MSH3: variants seen among roughly 807,000 people sequenced by gnomAD.
The protein encoded by MSH3 is mutS homolog 3, also known as DNA mismatch repair protein Msh3.
In MSH3, 106 loss-of-function variants were observed where a neutral mutation model predicts 123.3. The observed-to-expected ratio is 0.86, with a 90% CI of 0.73 to 1.01. MSH3 has a LOEUF of 1.01. Ranked by LOEUF, MSH3 falls within the 50% of genes least tolerant of loss-of-function variation. The pLI is 0.00. For missense variants in MSH3, 1,459 were observed against 1,347.6 expected (o/e 1.08, Z -1.29); for synonymous variants, 515 against 481.4 (o/e 1.07, Z -0.91).
intron 20 of MSH3, among the ~76,000 whole-genome samples, chr5:80,831,104 G>A (rs1446464939): frequency 1.3e-5 from 2 of 152,196 alleles, no homozygotes; most frequent in Non-Finnish European, 2.9e-5. Context: ...ACTCCAGTAA[G>A]CTCGTTATAA....
At chr5:80,831,875 G>A (rs953057343) in intron 20 of MSH3, among the ~76,000 whole-genome samples, 1 of 152,088 alleles carries the variant, frequency 6.6e-6, no homozygotes, top group Admixed American at 6.6e-5. Flanking sequence ...TTGGGAGGCC[G>A]AGGCGGGTGG....
intron 3 of MSH3, among the ~76,000 whole-genome samples, chr5:80,665,608 G>A (rs753715694): frequency 6.6e-6 from 1 of 152,156 alleles, no homozygotes; most frequent in Non-Finnish European, 1.5e-5. Flanking sequence ...TAATTCTGAG[G>A]TATTGCCTGG....
intron 10 of MSH3, among the ~76,000 whole-genome samples, chr5:80,739,222 A>G (rs974013610): frequency 6.6e-6 from 1 of 152,218 alleles, no homozygotes; most frequent in Non-Finnish European, 1.5e-5. Context: ...ATCTAAACAC[A>G]TAGGTAACTG....
chr5:80,673,821 A>C (rs1488280790), intron 6 of MSH3, among the ~76,000 whole-genome samples: 1 of 152,184 alleles, frequency 6.6e-6, no homozygotes, highest in Non-Finnish European at 1.5e-5. Flanking sequence ...TCAGTTTCAA[A>C]AGCCAAATAA....
At chr5:80,742,285 C>T (rs1410676053) in intron 11 of MSH3, among the ~76,000 whole-genome samples, 2 of 152,234 alleles carry the variant, frequency 1.3e-5, no homozygotes, top group African/African-American at 4.8e-5. Flanking sequence ...CCTAGGATTA[C>T]AGGCGTAAGC....
intron 8 of MSH3, among the ~76,000 whole-genome samples, chr5:80,697,237 A>G (rs539601537): frequency 9.9e-4 from 151 of 152,296 alleles, no homozygotes; most frequent in Non-Finnish European, 1.5e-3. Flanking sequence ...CCCAGAGGTC[A>G]GAAATCGTGC....
chr5:80,854,126 G>A lies in MSH3; in HGVS notation c.2814-4G>A, dbSNP rs1745875871. On this transcript the variant is annotated splice_region_variant and splice_polypyrimidine_tract_variant and intron_variant, in intron 20 of 23. Coordinates refer to ENST00000265081, the MANE Select transcript of MSH3 (RefSeq NM_002439.5). Reference sequence around the variant, plus strand: ...AAATCAAGGTGTTTTCATCTTGCTTGTAGGATGGGTGCTGCAGACAATATA... The same window carrying A: ...AAATCAAGGTGTTTTCATCTTGCTTATAGGATGGGTGCTGCAGACAATATA... 6.2e-7 allele frequency: 1 copy of A among 1,612,496 alleles called. No homozygotes were observed. The highest frequency in any genetic ancestry group is 8.5e-7 in the Non-Finnish European group (1 of 1,178,878).
chr5:80,845,230 C>T (rs1745699897), intron 20 of MSH3, among the ~76,000 whole-genome samples: 1 of 152,154 alleles, frequency 6.6e-6, no homozygotes, highest in African/African-American at 2.4e-5. Flanking sequence ...ATATTGGCCC[C>T]CACTCTCTTC....
chr5:80,731,052 G>GCCAC (rs1054773356), intron 10 of MSH3, among the ~76,000 whole-genome samples: 5 of 151,284 alleles, frequency 3.3e-5, no homozygotes, highest in Non-Finnish European at 5.9e-5. Context: ...ACAGGTGCAC[G>GCCAC]CCACCGCGCC....
In MSH3 at chr5:80,656,537, T is replaced by C. The variant is rs1490135598; in HGVS notation, c.358+6T>C. 6.2e-7 allele frequency: 1 copy of C among 1,613,604 alleles called. No individual in the cohort carries two copies. The highest frequency in any genetic ancestry group is 1.3e-5 in the African/African-American group (1 of 74,800). ...GGGAATGTCTGGCAACTCTGGTGAG[T>C]TGTGGGGGATTCTTTTTTCTCCTCA... On this transcript the variant is annotated splice_donor_region_variant and intron_variant, in intron 2 of 23. Coordinates refer to ENST00000265081, the MANE Select transcript of MSH3 (RefSeq NM_002439.5).
chr5:80,787,941 A>C (rs1214350107), intron 18 of MSH3, among the ~76,000 whole-genome samples: 1 of 152,156 alleles, frequency 6.6e-6, no homozygotes, highest in Admixed American at 6.5e-5. Context: ...GTTAGCTTTT[A>C]CTTGAACACT....
chr5:80,837,032 G>A (rs1474782156), intron 20 of MSH3, among the ~76,000 whole-genome samples: 3 of 152,184 alleles, frequency 2.0e-5, no homozygotes, highest in African/African-American at 7.2e-5. Context: ...AGAGGAGACT[G>A]GAGAGAGGTG....
chr5:80,834,347 TTATATTAAAA>T (rs1182708427), intron 20 of MSH3, among the ~76,000 whole-genome samples: 1 of 150,632 alleles, frequency 6.6e-6, no homozygotes, highest in Admixed American at 6.6e-5. Context: ...ATTAAATATT[TTATATTAAAA>T]TATATTTTAA....
intron 20 of MSH3, among the ~76,000 whole-genome samples, chr5:80,820,232 A>G (rs894966847): frequency 6.6e-6 from 1 of 152,236 alleles, no homozygotes; most frequent in Non-Finnish European, 1.5e-5. Context: ...AGGTTTCCAC[A>G]AAGCTAAATT....
chr5:80,677,823 G>A (rs1195742828), intron 7 of MSH3, among the ~76,000 whole-genome samples: 2 of 152,118 alleles, frequency 1.3e-5, no homozygotes, highest in Admixed American at 1.3e-4. Flanking sequence ...TACATGTGTC[G>A]CTGTAGTTCT....
chr5:80,728,786 T>C, intron 9 of MSH3, 65 bp from the exon 10 acceptor site: 1 of 878,600 alleles, frequency 1.1e-6, no homozygotes, highest in South Asian at 1.5e-5. Context: ...TTCTGTTTAT[T>C]ACATTTTTTA....
chr5:80,770,620 G>C (rs1251744527), intron 15 of MSH3, among the ~76,000 whole-genome samples: 2 of 152,106 alleles, frequency 1.3e-5, no homozygotes, highest in African/African-American at 2.4e-5. Flanking sequence ...CCCAAGGTCC[G>C]AAGCACAAAT....
intron 5 of MSH3, 60 bp downstream of exon 5, chr5:80,672,420 A>G (rs942405859): frequency 3.1e-6 from 4 of 1,290,428 alleles, no homozygotes; most frequent in Non-Finnish European, 4.5e-6. Context: ...AGAGAGTGCA[A>G]ACGTGTTTTG....
intron 15 of MSH3, 76 bp downstream of exon 15, chr5:80,769,079 C>A: frequency 7.6e-7 from 1 of 1,307,798 alleles, no homozygotes; most frequent in Non-Finnish European, 1.1e-6. Flanking sequence ...AAATAGAAAT[C>A]TGAGGATAGG....
Sources: gnomAD v4.1 joint callset for allele counts (sites outside exome capture counted in the v4.1 genomes callset) on GRCh38, gnomAD v4.1.1 for gene constraint, MANE v1.5 for transcripts, NCBI Gene and HGNC (gene_info 2026-07-23, HGNC 2026-07-21) for gene names.